The following DCC variants were observed in gnomAD, a reference collection of about 807,000 sequenced individuals.
DCC encodes DCC netrin 1 receptor.
In DCC, 58 loss-of-function variants were observed where a neutral mutation model predicts 172.5. The observed-to-expected ratio is 0.34, with a 90% CI of 0.27 to 0.42. The LOEUF (loss-of-function observed/expected upper bound fraction) is 0.42. Among genes scored for constraint, DCC ranks in the 10% least tolerant of loss-of-function variants. The pLI is 1.00. For missense variants in DCC, 1,740 were observed against 1,791.0 expected (o/e 0.97, Z 0.51); for synonymous variants, 709 against 644.5 (o/e 1.10, Z -1.52).
At chr18:52,940,492 C>G (rs778190955) in intron 5 of DCC, among the ~76,000 whole-genome samples, 1 of 152,136 alleles carries the variant, frequency 6.6e-6, no homozygotes, top group African/African-American at 2.4e-5. Flanking sequence ...ATTCTATTTA[C>G]GCTGATTGGT....
chr18:52,491,192 T>C (rs1314242097), intron 1 of DCC, among the ~76,000 whole-genome samples: 1 of 152,058 alleles, frequency 6.6e-6, no homozygotes, highest in Non-Finnish European at 1.5e-5. Flanking sequence ...TCCATTAAGC[T>C]AGAACACCTG....
At chr18:52,789,459 T>A (rs561479556) in intron 2 of DCC, among the ~76,000 whole-genome samples, 19 of 152,162 alleles carry the variant, frequency 1.2e-4, no homozygotes, top group African/African-American at 4.6e-4. Flanking sequence ...AAAGGCCTTT[T>A]AAAAAAAATC....
chr18:52,571,716 G>A (rs997824814), intron 1 of DCC, among the ~76,000 whole-genome samples: 2 of 152,280 alleles, frequency 1.3e-5, no homozygotes, highest in East Asian at 3.9e-4. Flanking sequence ...GTGAGGTCTT[G>A]CTATCAGATC....
chr18:52,521,977 C>T (rs2031832835), intron 1 of DCC, among the ~76,000 whole-genome samples: 2 of 152,168 alleles, frequency 1.3e-5, no homozygotes, highest in South Asian at 4.1e-4. Context: ...AAATAATCCT[C>T]AATCTTATTC....
At chr18:53,136,824 A>G (rs1213341325) in intron 7 of DCC, among the ~76,000 whole-genome samples, 1 of 152,188 alleles carries the variant, frequency 6.6e-6, no homozygotes, top group Non-Finnish European at 1.5e-5. Context: ...TTTGAACACT[A>G]TTTGGAGAAT....
chr18:52,515,680 G>A (rs57010694), intron 1 of DCC, among the ~76,000 whole-genome samples: 1 of 137,854 alleles, frequency 7.3e-6, no homozygotes, highest in Non-Finnish European at 1.6e-5. Context: ...TTGTCTCCAA[G>A]ATCAAGGGCT....
chr18:52,737,428 A>G (rs1234582690), intron 1 of DCC, among the ~76,000 whole-genome samples: 2 of 152,180 alleles, frequency 1.3e-5, no homozygotes, highest in Non-Finnish European at 2.9e-5. Flanking sequence ...GAAGAAAACC[A>G]AAGAAATCTT....
chr18:53,339,949 A>G, intron 15 of DCC, 42 bp downstream of exon 15: 7 of 1,545,412 alleles, frequency 4.5e-6, no homozygotes, highest in Non-Finnish European at 6.2e-6. Flanking sequence ...AGGGGAATTA[A>G]TGATTTATTT....
intron 13 of DCC, among the ~76,000 whole-genome samples, chr18:53,318,618 G>A (rs1372371759): frequency 2.0e-5 from 3 of 152,124 alleles, no homozygotes; most frequent in African/African-American, 7.2e-5. Context: ...GGGAGTCGAA[G>A]TCTCTTTGTA....
chr18:53,173,198 T>C (rs541429792), intron 8 of DCC, among the ~76,000 whole-genome samples: 88 of 152,186 alleles, frequency 5.8e-4, no homozygotes, highest in African/African-American at 2.0e-3. Context: ...AATGGGAGCA[T>C]TGTTCCATAT....
At chr18:53,389,510 A>T (rs1172457873) in intron 16 of DCC, among the ~76,000 whole-genome samples, 1 of 152,168 alleles carries the variant, frequency 6.6e-6, no homozygotes, top group Non-Finnish European at 1.5e-5. Context: ...ACAGGAAGTG[A>T]ATTTTTTGTT....
At chr18:53,494,613 T>C (rs2045997829) in intron 26 of DCC, among the ~76,000 whole-genome samples, 1 of 152,244 alleles carries the variant, frequency 6.6e-6, no homozygotes. Context: ...AAGTCTGTTT[T>C]ATCAGAGACT....
At chr18:53,345,654 T>A (rs2057714928) in intron 15 of DCC, among the ~76,000 whole-genome samples, 1 of 152,176 alleles carries the variant, frequency 6.6e-6, no homozygotes, top group African/African-American at 2.4e-5. Context: ...TGTAGTTCAG[T>A]CAGGTGGCAA....
At chr18:53,065,951 G>A (rs2144088868) in intron 6 of DCC, 95 bp from the exon 7 acceptor site, 1 of 1,447,366 alleles carries the variant, frequency 6.9e-7, no homozygotes, top group Non-Finnish European at 9.7e-7. Flanking sequence ...TTTCTTCTGT[G>A]CTGTTTTATC....
chr18:52,805,517 G>A (rs1246735706), intron 2 of DCC, among the ~76,000 whole-genome samples: 4 of 152,196 alleles, frequency 2.6e-5, no homozygotes, highest in African/African-American at 9.7e-5. Context: ...CAGAGAGGTA[G>A]GATGAGGTGA....
At chr18:53,498,661 C>A (rs1598809777) in intron 26 of DCC, among the ~76,000 whole-genome samples, 1 of 152,066 alleles carries the variant, frequency 6.6e-6, no homozygotes, top group South Asian at 2.1e-4. Flanking sequence ...CCGTAATCTG[C>A]CTGAAAATTA....
chr18:52,869,226 G>A lies in DCC; in HGVS notation c.413-36818G>A, dbSNP rs541233474. On this transcript the variant is annotated intron_variant, in intron 2 of 28. Coordinates refer to ENST00000442544, the MANE Select transcript of DCC (RefSeq NM_005215.4). ...AGAATAAGTTGCGCAGACAAGTGGA[G>A]GGTGAGCAAGATGAAAAGGAGTTTT... 7.9e-5 allele frequency among the ~76,000 whole-genome samples: 12 copies of A among 152,328 alleles called. No individual in the cohort carries two copies. The South Asian group carries it at 2.5e-3, about 32-fold the overall frequency.
At chr18:53,197,196 C>T (rs535525035) in intron 9 of DCC, among the ~76,000 whole-genome samples, 7 of 152,146 alleles carry the variant, frequency 4.6e-5, no homozygotes, top group African/African-American at 1.7e-4. Flanking sequence ...AGGGAGAGAG[C>T]TTTGTGGTCT....
At position 52,923,808 on chromosome 18, in the gene DCC, C is replaced by T; in HGVS notation, c.799C>T (p.Pro267Ser). 1 of 1,613,338 alleles carries T rather than the reference C, an allele frequency of 6.2e-7. No homozygotes were observed. Among genetic ancestry groups the T allele is most frequent in the Non-Finnish European group, 8.5e-7 (1 of 1,179,500 alleles). The part of the protein sequence containing the change: ...AVLECCVSGY[P>S]PPSFTWLRGE... ...CCTGGAATGTTGTGTTTCTGGCTAT[C>T]CTCCACCAAGTTTTACCTGGTTACG... Residue 267 changes from proline to serine, a missense_variant, in exon 4 of 29, where the codon CCT becomes TCT. Coordinates refer to ENST00000442544, the MANE Select transcript of DCC (RefSeq NM_005215.4).
Sources: gnomAD v4.1 joint callset for allele counts (sites outside exome capture counted in the v4.1 genomes callset) on GRCh38, gnomAD v4.1.1 for gene constraint, MANE v1.5 for transcripts, NCBI Gene and HGNC (gene_info 2026-07-23, HGNC 2026-07-21) for gene names.